The following SMURF2 variants were observed in gnomAD, a reference collection of about 807,000 sequenced individuals.
SMURF2 encodes the protein SMAD specific E3 ubiquitin protein ligase 2.
SMURF2 carries 48 observed loss-of-function variants against 109.6 expected under a neutral mutation model. The ratio of observed to expected loss-of-function variants is 0.44; its 90% CI spans 0.35 to 0.56. The LOEUF (loss-of-function observed/expected upper bound fraction) is 0.56. Ranked by LOEUF, SMURF2 falls within the 20% of genes least tolerant of loss-of-function variation. The probability of loss-of-function intolerance (pLI) is 0.01; values close to 1 mark genes in which losing one functional copy is unlikely to be tolerated. For synonymous variants in SMURF2, 288 were observed against 317.1 expected (o/e 0.91, Z 0.97); for missense variants, 575 against 909.0 (o/e 0.63, Z 4.72).
intron 5 of SMURF2, among the ~76,000 whole-genome samples, chr17:64,589,494 G>A (rs1230731614): frequency 6.6e-6 from 1 of 151,736 alleles, no homozygotes; most frequent in Non-Finnish European, 1.5e-5. Flanking sequence ...CCATGGATGG[G>A]TGGGGTATTG....
At chr17:64,636,758 G>A (rs1245873620) in intron 1 of SMURF2, among the ~76,000 whole-genome samples, 7 of 149,980 alleles carry the variant, frequency 4.7e-5, no homozygotes, top group East Asian at 3.9e-4. Context: ...CTGCCTAGGC[G>A]ACAGAGCAAG....
Position 64,639,371 on chromosome 17 carries a change from G to T in SMURF2, c.52+22458C>A, listed in dbSNP as rs1970463923. Reference sequence around the variant, plus strand: ...GTGAGTGGATCACTTGAGGTCAGGAGTTCCAGACCGGCCTGACCAACATGG... The same window carrying T: ...GTGAGTGGATCACTTGAGGTCAGGATTTCCAGACCGGCCTGACCAACATGG... On this transcript the variant is annotated intron_variant, in intron 1 of 18. Coordinates refer to ENST00000262435, the MANE Select transcript of SMURF2 (RefSeq NM_022739.4). Among the ~76,000 whole-genome samples the T allele has an allele frequency of 3.3e-5, 5 of 152,224 alleles. No homozygotes were observed. In the South Asian group the frequency reaches 1.0e-3, roughly 32 times the overall value.
At chr17:64,560,028 A>C (rs1311219046) in intron 12 of SMURF2, among the ~76,000 whole-genome samples, 1 of 151,396 alleles carries the variant, frequency 6.6e-6, no homozygotes, top group Non-Finnish European at 1.5e-5. Flanking sequence ...CTGGGATTAC[A>C]GGTGTGAGCC....
At chr17:64,586,687 C>T (rs1555687121) in intron 5 of SMURF2, among the ~76,000 whole-genome samples, 1 of 129,924 alleles carries the variant, frequency 7.7e-6, no homozygotes, top group South Asian at 2.5e-4. Context: ...GGAGGCGGAG[C>T]TTGCAGTGAG....
At chr17:64,651,440 C>T (rs1970638774) in intron 1 of SMURF2, among the ~76,000 whole-genome samples, 2 of 150,128 alleles carry the variant, frequency 1.3e-5, no homozygotes, top group East Asian at 2.0e-4. Flanking sequence ...GGCATGGTGG[C>T]GCGCGCCTGT....
intron 9 of SMURF2, among the ~76,000 whole-genome samples, chr17:64,577,519 G>A (rs1257453525): frequency 2.0e-5 from 3 of 150,610 alleles, no homozygotes; most frequent in Admixed American, 6.6e-5. Context: ...AAACCTGCAC[G>A]TTGTGAACAT....
At chr17:64,561,968 C>T (rs1292320305) in intron 11 of SMURF2, among the ~76,000 whole-genome samples, 4 of 151,966 alleles carry the variant, frequency 2.6e-5, no homozygotes, top group African/African-American at 9.7e-5. Flanking sequence ...CCACTGCACT[C>T]CAGCCTGGGT....
chr17:64,634,811 A>G (rs1466511765), intron 1 of SMURF2, among the ~76,000 whole-genome samples: 1 of 152,202 alleles, frequency 6.6e-6, no homozygotes, highest in Non-Finnish European at 1.5e-5. Context: ...ATGCTAATAC[A>G]TATCCTGGGT....
Position 64,547,458 on chromosome 17 carries a change from A to G in SMURF2, c.2071+142T>C, listed in dbSNP as rs1968974668. ...GGAACAAAAGAAAGGAGGGAGAAGA[A>G]GGTATCACAATGTGAGAGTCACAGA... On this transcript the variant is annotated intron_variant, in intron 17 of 18. Coordinates refer to ENST00000262435, the MANE Select transcript of SMURF2 (RefSeq NM_022739.4). This position sits in a 1 kb window ranked among gnomAD's most constrained non-coding sequence, Gnocchi z 4.2. The G allele has an allele frequency of 5.7e-6, 4 of 696,750 alleles. No homozygotes were observed. Among genetic ancestry groups the G allele is most frequent in the Non-Finnish European group, 9.6e-6 (4 of 417,194 alleles). The allele number at this position is 696,750 out of a possible 1,614,324, so 43.2% of individuals were successfully genotyped here.
intron 18 of SMURF2, 29 bp from the exon 19 acceptor site, chr17:64,545,976 A>C (rs1555683071): frequency 7.1e-7 from 1 of 1,401,044 alleles, no homozygotes; most frequent in East Asian, 2.3e-5. Context: ...AATTTTATAC[A>C]GTTCATTCAA....
chr17:64,615,862 C>T (rs1411034312), intron 1 of SMURF2, among the ~76,000 whole-genome samples: 1 of 152,002 alleles, frequency 6.6e-6, no homozygotes, highest in Non-Finnish European at 1.5e-5. Context: ...GACAGTCTCG[C>T]TCTGTTGCCC....
At chr17:64,563,331 G>T (rs1235209623) in intron 10 of SMURF2, among the ~76,000 whole-genome samples, 1 of 152,192 alleles carries the variant, frequency 6.6e-6, no homozygotes, top group Non-Finnish European at 1.5e-5. Context: ...CTTTCTGGAA[G>T]AGCCAAACAG....
intron 1 of SMURF2, among the ~76,000 whole-genome samples, chr17:64,613,087 G>A (rs1970067625): frequency 6.6e-6 from 1 of 152,130 alleles, no homozygotes; most frequent in Admixed American, 6.6e-5. Flanking sequence ...CCTGAGAACT[G>A]GTAATGTTAT....
chr17:64,556,893 CACAA>C (rs1444753927), intron 13 of SMURF2, among the ~76,000 whole-genome samples: 2 of 152,180 alleles, frequency 1.3e-5, no homozygotes, highest in Admixed American at 6.5e-5. Flanking sequence ...CGCGCACGCA[CACAA>C]ACATATATAT....
At chr17:64,572,008 C>A (rs1555685617) in intron 9 of SMURF2, 52 bp from the exon 10 acceptor site, 1 of 1,503,632 alleles carries the variant, frequency 6.7e-7, no homozygotes, top group Admixed American at 2.0e-5. Flanking sequence ...CCCTGCTGAA[C>A]CAAGCAAGTG....
At chr17:64,626,022 C>T (rs568274509) in intron 1 of SMURF2, among the ~76,000 whole-genome samples, 2 of 152,132 alleles carry the variant, frequency 1.3e-5, no homozygotes, top group Non-Finnish European at 2.9e-5. Context: ...GCCTATAATC[C>T]CAGCACCTTG....
At chr17:64,556,552 A>ATC (rs1969122170) in intron 13 of SMURF2, among the ~76,000 whole-genome samples, 1 of 152,134 alleles carries the variant, frequency 6.6e-6, no homozygotes, top group African/African-American at 2.4e-5. Context: ...TCTAAAAAGC[A>ATC]TCTCTATGAG....
rs1392483523 is a variant in SMURF2 at position 64,545,168 on chromosome 17, G to A, written c.*680C>T. ...AGTTTAGACTAAATGGTTGCATTAG[G>A]AATTTGACAACCAAAATTATATCGC... On this transcript the variant is annotated 3_prime_UTR_variant, in exon 19 of 19. Coordinates refer to ENST00000262435, the MANE Select transcript of SMURF2 (RefSeq NM_022739.4). 6.6e-6 allele frequency: 1 copy of A among 152,120 alleles called. No individual in the cohort carries two copies. Among genetic ancestry groups the A allele is most frequent in the African/African-American group, 2.4e-5 (1 of 41,268 alleles). The allele number at this position is 152,120 out of a possible 1,614,324, so 9.4% of individuals were successfully genotyped here. A position where few individuals can be genotyped will look rare whatever the true frequency, so the allele number is the denominator to read the frequency against.
At chr17:64,637,149 C>T (rs1365097097) in intron 1 of SMURF2, among the ~76,000 whole-genome samples, 44 of 147,352 alleles carry the variant, frequency 3.0e-4, no homozygotes, top group African/African-American at 1.0e-3. Context: ...TTTTTTGAGA[C>T]ACAGTCTTGC....
Sources: gnomAD v4.1 joint callset for allele counts (sites outside exome capture counted in the v4.1 genomes callset) on GRCh38, gnomAD v4.1.1 for gene constraint, Gnocchi (gnomAD v3.1) non-coding constraint, MANE v1.5 for transcripts, NCBI Gene and HGNC (gene_info 2026-07-23, HGNC 2026-07-21) for gene names.